ITSN1: variants seen among roughly 807,000 people sequenced by gnomAD.
The protein encoded by ITSN1 is intersectin 1, also known as intersectin-1.
Under a neutral mutation model 239.8 loss-of-function variants are expected in ITSN1, and 58 were observed. The ratio of observed to expected loss-of-function variants is 0.24; its 90% CI spans 0.20 to 0.30. ITSN1 has a LOEUF of 0.30. Ranked by LOEUF, ITSN1 falls within the 10% of genes least tolerant of loss-of-function variation. The probability of loss-of-function intolerance (pLI) is 1.00; values close to 1 mark genes in which losing one functional copy is unlikely to be tolerated. For missense variants in ITSN1, 1,558 were observed against 2,103.3 expected (o/e 0.74, Z 5.07); for synonymous variants, 780 against 770.8 (o/e 1.01, Z -0.20).
chr21:33,804,999 G>A (rs1249207042), intron 20 of ITSN1, among the ~76,000 whole-genome samples: 1 of 152,184 alleles, frequency 6.6e-6, no homozygotes, highest in Admixed American at 6.5e-5. Context: ...TCCTTGGACT[G>A]GTACAGGCCT....
At chr21:33,782,565 A>G (rs1379147703) in intron 16 of ITSN1, among the ~76,000 whole-genome samples, 1 of 151,944 alleles carries the variant, frequency 6.6e-6, no homozygotes, top group African/African-American at 2.4e-5. Context: ...GTTTTAGTGG[A>G]GTAATTGCTT....
chr21:33,868,657 C>T (rs1286653979), intron 33 of ITSN1, among the ~76,000 whole-genome samples: 1 of 152,228 alleles, frequency 6.6e-6, no homozygotes, highest in Non-Finnish European at 1.5e-5. Flanking sequence ...CCAGCTGGCC[C>T]GCAAGCGCCG....
intron 21 of ITSN1, 73 bp from the exon 22 acceptor site, chr21:33,813,840 T>C (rs1368170843): frequency 7.9e-7 from 1 of 1,272,320 alleles, no homozygotes; most frequent in Non-Finnish European, 1.1e-6. Context: ...TTTTTTTTGG[T>C]ACTTTACTGT....
rs111269479 is a variant in ITSN1, at chr21:33,751,673, C to T, written c.527-137C>T. On this transcript the variant is annotated intron_variant, in intron 6 of 39. Coordinates refer to ENST00000381318, the MANE Select transcript of ITSN1 (RefSeq NM_003024.3). ...AGGACAGAGGGTAAGGAGGGAAAAG[C>T]TCTTTTCAGTCTAGGCTGGCAAGAA... 1,539 of 653,028 alleles carry T rather than the reference C, an allele frequency of 2.4e-3. 18 individuals carry two copies. In the African/African-American group the frequency reaches 0.025, roughly 11 times the overall value. 40.5% of individuals were successfully genotyped at this position (653,028 alleles called of 1,614,324 possible).
At chr21:33,810,914 G>A in intron 20 of ITSN1, 61 bp from the exon 21 acceptor site, 1 of 1,598,558 alleles carries the variant, frequency 6.3e-7, no homozygotes, top group Non-Finnish European at 8.6e-7. Flanking sequence ...CACTGTAGTT[G>A]GGTGCTGGGT....
At chr21:33,752,097 GAT>G (rs2067592689) in intron 7 of ITSN1, among the ~76,000 whole-genome samples, 191 bp downstream of exon 7, 1 of 150,790 alleles carries the variant, frequency 6.6e-6, no homozygotes, top group Admixed American at 6.6e-5. Flanking sequence ...TTGTTGCAGA[GAT>G]GAGAGAAATC....
At chr21:33,686,441 A>G (rs2091240652) in intron 1 of ITSN1, among the ~76,000 whole-genome samples, 1 of 152,192 alleles carries the variant, frequency 6.6e-6, no homozygotes, top group Admixed American at 6.5e-5. Context: ...GGAATGCTAG[A>G]AAAGCATTTA....
intron 1 of ITSN1, among the ~76,000 whole-genome samples, chr21:33,702,117 T>G (rs1568975064): frequency 1.8e-4 from 26 of 148,528 alleles, no homozygotes; most frequent in Admixed American, 2.7e-4. Context: ...TTTTTTTTTT[T>G]TTTTTTTTTT....
At chr21:33,655,016 C>T (rs561403253) in intron 1 of ITSN1, among the ~76,000 whole-genome samples, 106 of 145,474 alleles carry the variant, frequency 7.3e-4, no homozygotes, top group African/African-American at 2.6e-3. Context: ...TACCTTGTCT[C>T]TTTTTTTTTT....
At chr21:33,837,204 C>A in intron 29 of ITSN1, 1 of 1,275,650 alleles carries the variant, frequency 7.8e-7, no homozygotes. Flanking sequence ...TTATTACTTG[C>A]AGAGATAGGA....
chr21:33,823,176 A>C (rs568737373), intron 24 of ITSN1, among the ~76,000 whole-genome samples: 40 of 152,356 alleles, frequency 2.6e-4, no homozygotes, highest in African/African-American at 9.6e-4. Flanking sequence ...ATTCAAAAAG[A>C]AATCATGATG....
chr21:33,648,939 G>C (rs1232904966), intron 1 of ITSN1, among the ~76,000 whole-genome samples: 2 of 152,162 alleles, frequency 1.3e-5, no homozygotes, highest in Middle Eastern at 3.2e-3. Context: ...CTCATCAACT[G>C]TCCAGCATTC....
intron 14 of ITSN1, among the ~76,000 whole-genome samples, chr21:33,780,795 A>G (rs2070106526): frequency 6.6e-6 from 1 of 152,200 alleles, no homozygotes; most frequent in Admixed American, 6.5e-5. Context: ...TTTCGGCTAA[A>G]TTTAAGCAGA....
chr21:33,769,411 T>G (rs1308551559), intron 11 of ITSN1, among the ~76,000 whole-genome samples: 1 of 152,048 alleles, frequency 6.6e-6, no homozygotes, highest in Admixed American at 6.6e-5. Context: ...TGAGATGAGA[T>G]TCACATAATA....
At position 33,895,111 on chromosome 21, in the gene ITSN1, C is replaced by G. The variant is rs1294007184; in HGVS notation, c.*6811C>G. ...GGAAGCTCGCGGCGAGCCTAGGGTT[C>G]AAGCCTAGCGCGCCAGGGGTCTCCA... On this transcript the variant is annotated 3_prime_UTR_variant, in exon 40 of 40. Coordinates refer to ENST00000381318, the MANE Select transcript of ITSN1 (RefSeq NM_003024.3). 6.6e-6 allele frequency: 1 copy of G among 152,256 alleles called. No homozygotes were observed. The highest frequency in any genetic ancestry group is 1.5e-5 in the Non-Finnish European group (1 of 68,112). The allele number at this position is 152,256 out of a possible 1,614,324, so 9.4% of individuals were successfully genotyped here.
rs1986743240 is a variant in ITSN1 at position 33,895,778 on chromosome 21, T to C, written c.*7478T>C. The C allele has an allele frequency of 6.6e-6, 1 of 152,288 alleles. No individual in the cohort carries two copies. Among genetic ancestry groups the C allele is most frequent in the South Asian group, 2.1e-4 (1 of 4,844 alleles). 9.4% of individuals were successfully genotyped at this position (152,288 alleles called of 1,614,324 possible). ...CTAGGGGGATGCATGGCTCTGTGCCTTGGAGAGGGAAACAGGAAATACGTT... is the reference window on the plus strand; with the variant it reads ...CTAGGGGGATGCATGGCTCTGTGCCCTGGAGAGGGAAACAGGAAATACGTT... On this transcript the variant is annotated 3_prime_UTR_variant, in exon 40 of 40. Coordinates refer to ENST00000381318, the MANE Select transcript of ITSN1 (RefSeq NM_003024.3).
chr21:33,843,934 C>T (rs894059639), intron 29 of ITSN1, among the ~76,000 whole-genome samples: 1 of 152,180 alleles, frequency 6.6e-6, no homozygotes, highest in Non-Finnish European at 1.5e-5. Flanking sequence ...GGCATTTGTG[C>T]CTGGTCAGTG....
intron 1 of ITSN1, among the ~76,000 whole-genome samples, chr21:33,716,819 G>A (rs2065171543): frequency 6.6e-6 from 1 of 151,854 alleles, no homozygotes; most frequent in Non-Finnish European, 1.5e-5. Context: ...GGGCATGGTG[G>A]GGCGAGCCTG....
intron 20 of ITSN1, among the ~76,000 whole-genome samples, chr21:33,809,696 A>G (rs2072750404): frequency 6.6e-6 from 1 of 152,192 alleles, no homozygotes; most frequent in Admixed American, 6.5e-5. Context: ...TTTCCAGTGA[A>G]GTGTTTGATG....
Sources: gnomAD v4.1 joint callset for allele counts (sites outside exome capture counted in the v4.1 genomes callset) on GRCh38, gnomAD v4.1.1 for gene constraint, MANE v1.5 for transcripts, NCBI Gene and HGNC (gene_info 2026-07-23, HGNC 2026-07-21) for gene names.